MALRD1: variants seen among roughly 807,000 people sequenced by gnomAD.
MALRD1 encodes the protein MAM and LDL receptor class A domain containing 1, also known as MAM and LDL-receptor class A domain-containing protein 1.
In MALRD1, 247 loss-of-function variants were observed where a neutral mutation model predicts 242.1. That is an observed-to-expected ratio of 1.02 (90% CI 0.92 to 1.13). MALRD1 has a LOEUF of 1.13. MALRD1 is among the 50% of genes most tolerant of loss of function. MALRD1 has a pLI of 0.00. For missense variants in MALRD1, 2,989 were observed against 2,533.1 expected (o/e 1.18, Z -3.86); for synonymous variants, 995 against 866.6 (o/e 1.15, Z -2.60).
At chr10:19,454,405 G>GATACAT (rs1554775337) in intron 29 of MALRD1, among the ~76,000 whole-genome samples, 3 of 80,556 alleles carry the variant, frequency 3.7e-5, no homozygotes, top group Admixed American at 3.7e-4. Flanking sequence ...TTATGCATAT[G>GATACAT]ATATATATAT....
intron 28 of MALRD1, among the ~76,000 whole-genome samples, chr10:19,444,500 T>G (rs1834851601): frequency 6.6e-6 from 1 of 152,140 alleles, no homozygotes; most frequent in Non-Finnish European, 1.5e-5. Context: ...TAAGGCAGGC[T>G]TGGTGGTGAC....
intron 26 of MALRD1, among the ~76,000 whole-genome samples, chr10:19,374,055 G>C (rs915288518): frequency 2.0e-5 from 3 of 152,148 alleles, no homozygotes; most frequent in Non-Finnish European, 4.4e-5. Context: ...GGGACTTTAA[G>C]TTTGGCATCT....
At chr10:19,259,396 T>C (rs1181044582) in intron 19 of MALRD1, among the ~76,000 whole-genome samples, 1 of 152,120 alleles carries the variant, frequency 6.6e-6, no homozygotes, top group African/African-American at 2.4e-5. Flanking sequence ...AGAAAGGTGA[T>C]TTAACTGACT....
intron 10 of MALRD1, among the ~76,000 whole-genome samples, chr10:19,137,592 C>A (rs2686652): frequency 7.0e-6 from 1 of 143,574 alleles, no homozygotes; most frequent in South Asian, 2.2e-4. Flanking sequence ...CAGGCGACAG[C>A]GTGAGACTCC....
intron 33 of MALRD1, among the ~76,000 whole-genome samples, chr10:19,586,630 G>T (rs1837421216): frequency 6.6e-6 from 1 of 152,336 alleles, no homozygotes; most frequent in African/African-American, 2.4e-5. Flanking sequence ...TCTCTTCAAA[G>T]CTGTCAGACA....
At chr10:19,170,290 A>T (rs948406823) in intron 13 of MALRD1, among the ~76,000 whole-genome samples, 1 of 152,060 alleles carries the variant, frequency 6.6e-6, no homozygotes, top group African/African-American at 2.4e-5. Context: ...GATTCTTTTA[A>T]TATTTCTTTT....
At chr10:19,510,244 A>G (rs1361777611) in intron 31 of MALRD1, among the ~76,000 whole-genome samples, 3 of 152,214 alleles carry the variant, frequency 2.0e-5, no homozygotes, top group Admixed American at 2.0e-4. Context: ...ACACTGAGAC[A>G]TTCCATTGCC....
intron 31 of MALRD1, among the ~76,000 whole-genome samples, chr10:19,523,576 G>C (rs1279634022): frequency 1.3e-5 from 2 of 152,142 alleles, no homozygotes; most frequent in Non-Finnish European, 2.9e-5. Context: ...AAGGCATCTT[G>C]ACAAATAAAT....
chr10:19,176,392 G>C (rs1236880017), intron 14 of MALRD1, among the ~76,000 whole-genome samples: 3 of 55,804 alleles, frequency 5.4e-5, no homozygotes, highest in African/African-American at 1.7e-4. Flanking sequence ...TTTTGAGACG[G>C]AGTCTCGCTC....
At chr10:19,132,932 T>C (rs1308274646) in intron 8 of MALRD1, among the ~76,000 whole-genome samples, 1 of 152,024 alleles carries the variant, frequency 6.6e-6, no homozygotes, top group African/African-American at 2.4e-5. Flanking sequence ...TTATAGACTT[T>C]TTTATTTTAT....
chr10:19,349,869 C>T (rs1356373106), intron 25 of MALRD1, among the ~76,000 whole-genome samples: 1 of 152,062 alleles, frequency 6.6e-6, no homozygotes, highest in African/African-American at 2.4e-5. Context: ...ACTGTAGTAA[C>T]TAAGATTTCA....
intron 36 of MALRD1, among the ~76,000 whole-genome samples, chr10:19,628,156 A>G (rs1044493496): frequency 6.6e-6 from 1 of 152,210 alleles, no homozygotes; most frequent in Admixed American, 6.5e-5. Flanking sequence ...ATGAGACTAT[A>G]GAAACACTGT....
At chr10:19,528,294 T>A (rs1314414174) in intron 31 of MALRD1, among the ~76,000 whole-genome samples, 1 of 152,176 alleles carries the variant, frequency 6.6e-6, no homozygotes, top group Non-Finnish European at 1.5e-5. Context: ...TCCCTGCTTA[T>A]CTTACTCAAA....
chr10:19,669,400 G>A (rs1841815013), intron 36 of MALRD1, among the ~76,000 whole-genome samples: 1 of 152,156 alleles, frequency 6.6e-6, no homozygotes, highest in African/African-American at 2.4e-5. Flanking sequence ...AGGAAGACCT[G>A]GGATCTGGGA....
chr10:19,323,540 C>T lies in MALRD1; in HGVS notation c.3420-409C>T, dbSNP rs1270211052. Among the ~76,000 whole-genome samples, 3 of 152,214 alleles carry T rather than the reference C, an allele frequency of 2.0e-5. No homozygotes were observed. The East Asian group carries it at 5.8e-4, about 29-fold the overall frequency. On this transcript the variant is annotated intron_variant, in intron 21 of 39. Coordinates refer to ENST00000454679, the MANE Select transcript of MALRD1 (RefSeq NM_001142308.3). ...TGGACCATAATTAAGCTATATAACA[C>T]ATTATACTTTTAGGAAAAAATATAA...
intron 32 of MALRD1, among the ~76,000 whole-genome samples, chr10:19,543,540 C>G (rs138642714): frequency 2.8e-4 from 41 of 145,388 alleles, no homozygotes; most frequent in Admixed American, 1.0e-3. Flanking sequence ...TCCCAAAGTG[C>G]TGAGATTACA....
intron 26 of MALRD1, among the ~76,000 whole-genome samples, chr10:19,356,238 T>C (rs945440078): frequency 4.6e-5 from 7 of 152,084 alleles, no homozygotes; most frequent in African/African-American, 1.7e-4. Flanking sequence ...TATATCTATA[T>C]GTAAATCTGT....
At chr10:19,488,604 T>C (rs190915589) in intron 29 of MALRD1, 5 of 154,992 alleles carry the variant, frequency 3.2e-5, no homozygotes, top group African/African-American at 1.2e-4. Flanking sequence ...CATCTGTGAA[T>C]GCATGAAAAA....
chr10:19,547,993 C>CTTTTTTTTT (rs765509925), intron 32 of MALRD1, among the ~76,000 whole-genome samples: 1 of 65,782 alleles, frequency 1.5e-5, no homozygotes, highest in Non-Finnish European at 2.6e-5. Flanking sequence ...TATCACTATA[C>CTTTTTTTTT]TTTTTTTTTT....
Sources: gnomAD v4.1 joint callset for allele counts (sites outside exome capture counted in the v4.1 genomes callset) on GRCh38, gnomAD v4.1.1 for gene constraint, MANE v1.5 for transcripts, NCBI Gene and HGNC (gene_info 2026-07-23, HGNC 2026-07-21) for gene names.